TEX9: variants seen among roughly 807,000 people sequenced by gnomAD.
The protein encoded by TEX9 is testis-expressed protein 9.
TEX9 carries 74 observed loss-of-function variants against 59.6 expected under a neutral mutation model. The observed-to-expected ratio is 1.24, with a 90% CI of 1.03 to 1.51. TEX9 has a LOEUF of 1.51. TEX9 is among the 40% of genes most tolerant of loss of function. TEX9 has a pLI of 0.00. For missense variants in TEX9, 522 were observed against 447.8 expected (o/e 1.17, Z -1.49); for synonymous variants, 186 against 152.2 (o/e 1.22, Z -1.64).
intron 1 of TEX9, among the ~76,000 whole-genome samples, chr15:56,333,648 C>A (rs2046202892): frequency 6.6e-6 from 1 of 152,046 alleles, no homozygotes; most frequent in Non-Finnish European, 1.5e-5. Flanking sequence ...CCCTGTTATT[C>A]AACATAGTAC....
intron 12 of TEX9, among the ~76,000 whole-genome samples, chr15:56,441,816 C>G (rs145441269): frequency 3.9e-4 from 60 of 152,138 alleles, no homozygotes; most frequent in Non-Finnish European, 8.2e-4. Flanking sequence ...AGATCGAGAC[C>G]ATCCTGGCTA....
chr15:56,379,089 GAAA>G (rs2047601431), intron 3 of TEX9, among the ~76,000 whole-genome samples: 1 of 146,378 alleles, frequency 6.8e-6, no homozygotes, highest in Non-Finnish European at 1.5e-5. Context: ...AAAAAAGAAA[GAAA>G]GAAAAAAAAA....
exon 9 of TEX9, chr15:56,394,727 C>G: frequency 6.2e-7 from 1 of 1,610,728 alleles, no homozygotes; most frequent in Non-Finnish European, 8.5e-7. Context: ...GAGACAGCAG[C>G]GAACAATTAA....
intron 12 of TEX9, among the ~76,000 whole-genome samples, chr15:56,439,810 A>C (rs1348240095): frequency 6.6e-6 from 1 of 151,912 alleles, no homozygotes; most frequent in Non-Finnish European, 1.5e-5. Flanking sequence ...TTAGGAAAAA[A>C]AAAAGGAGAA....
chr15:56,453,805 A>T, the TEX9 span, among the ~76,000 whole-genome samples: 1 of 151,974 alleles, frequency 6.6e-6, no homozygotes, highest in Non-Finnish European at 1.5e-5. Flanking sequence ...ATCAATTAAC[A>T]GGAGTCATGA....
upstream of TEX9, chr15:56,365,355 G>A (rs534099760): frequency 3.4e-6 from 5 of 1,484,638 alleles, no homozygotes; most frequent in Admixed American, 9.0e-5. Context: ...CTGAGAGTGG[G>A]AAGGCGTAGG....
chr15:56,426,242 G>A (rs972184317), intron 10 of TEX9, among the ~76,000 whole-genome samples: 23 of 152,142 alleles, frequency 1.5e-4, no homozygotes, highest in African/African-American at 5.5e-4. Context: ...CCAGAATGTT[G>A]CAAGCAAGTC....
chr15:56,250,767 A>G (rs2141294111), intron 1 of TEX9, among the ~76,000 whole-genome samples: 1 of 152,318 alleles, frequency 6.6e-6, no homozygotes, highest in Non-Finnish European at 1.5e-5. Context: ...TAGGGAAAAA[A>G]AAAAACAAAA....
intron 1 of TEX9, among the ~76,000 whole-genome samples, chr15:56,339,777 A>G (rs1396586407): frequency 6.6e-6 from 1 of 152,008 alleles, no homozygotes; most frequent in Non-Finnish European, 1.5e-5. Flanking sequence ...AGCCTTCATG[A>G]ATGGGATTAG....
chr15:56,365,625 C>T, exon 2 of TEX9: 1 of 1,614,168 alleles, frequency 6.2e-7, no homozygotes, highest in Non-Finnish European at 8.5e-7. Flanking sequence ...GTTCAGCAAC[C>T]CTCTACACCT....
intron 1 of TEX9, among the ~76,000 whole-genome samples, chr15:56,356,643 C>A (rs1445534364): frequency 6.6e-6 from 1 of 152,048 alleles, no homozygotes; most frequent in Non-Finnish European, 1.5e-5. Flanking sequence ...AAATTATTTT[C>A]TTTGATCACT....
intron 10 of TEX9, among the ~76,000 whole-genome samples, chr15:56,426,107 A>T (rs2050228783): frequency 1.3e-5 from 2 of 152,108 alleles, no homozygotes. Flanking sequence ...TACACCTCTC[A>T]CATTCAGTGG....
intron 1 of TEX9, among the ~76,000 whole-genome samples, chr15:56,354,526 A>G (rs1352523763): frequency 6.6e-6 from 1 of 152,182 alleles, no homozygotes; most frequent in African/African-American, 2.4e-5. Context: ...TGACCAACCA[A>G]AAAGCATTAC....
chr15:56,426,589 GTATATATATATATATATATATATATATA>G (rs71110391), intron 10 of TEX9, among the ~76,000 whole-genome samples: 3,204 of 24,340 alleles, frequency 0.13, 244 homozygotes, highest in East Asian at 0.41. Flanking sequence ...TTGAAAAGGT[GTATATATATATATATATATATATATATA>G]TATATATATA....
At chr15:56,258,728 T>C (rs562867466) in intron 1 of TEX9, among the ~76,000 whole-genome samples, 1 of 152,078 alleles carries the variant, frequency 6.6e-6, no homozygotes, top group South Asian at 2.1e-4. Flanking sequence ...TGATTACTAA[T>C]TATATGGAAC....
downstream of TEX9, among the ~76,000 whole-genome samples, chr15:56,448,584 T>C (rs1302234001): frequency 6.6e-6 from 1 of 152,176 alleles, no homozygotes; most frequent in Non-Finnish European, 1.5e-5. Context: ...TTTATGTCTG[T>C]AGAGTATTCC....
chr15:56,437,422 T>A (rs191124347), intron 12 of TEX9, among the ~76,000 whole-genome samples: 302 of 152,178 alleles, frequency 2.0e-3, no homozygotes, highest in African/African-American at 6.9e-3. Context: ...ACAGCCCTTC[T>A]TGCTAAAAAC....
At chr15:56,269,133 G>C (rs1358885431) in intron 1 of TEX9, among the ~76,000 whole-genome samples, 1 of 152,174 alleles carries the variant, frequency 6.6e-6, no homozygotes, top group South Asian at 2.1e-4. Context: ...AGTATTCTCT[G>C]ATGGTAGTTT....
intron 1 of TEX9, among the ~76,000 whole-genome samples, chr15:56,265,002 G>A (rs2044347308): frequency 1.3e-5 from 2 of 152,122 alleles, no homozygotes; most frequent in Admixed American, 6.6e-5. Context: ...TTGGTTACTT[G>A]ATTATAGTAA....
Sources: allele counts gnomAD v4.1 joint callset (sites outside exome capture counted in the v4.1 genomes callset), GRCh38; gene constraint gnomAD v4.1.1; transcripts MANE v1.5; gene names NCBI Gene and HGNC (gene_info 2026-07-23, HGNC 2026-07-21).